The following KANK1 variants were observed in gnomAD, a reference collection of about 807,000 sequenced individuals.
The protein encoded by KANK1 is KN motif and ankyrin repeat domains 1.
KANK1 carries 109 observed loss-of-function variants against 106.2 expected under a neutral mutation model. The ratio of observed to expected loss-of-function variants is 1.03; its 90% CI spans 0.88 to 1.20. KANK1 has a LOEUF of 1.20. Among genes scored for constraint, KANK1 ranks in the 50% most tolerant of loss-of-function variants. The probability of loss-of-function intolerance (pLI) is 0.00; values close to 1 mark genes in which losing one functional copy is unlikely to be tolerated. For missense variants in KANK1, 2,399 were observed against 1,710.7 expected, an observed-to-expected ratio of 1.40 and a Z score of -7.10; for synonymous variants, 873 against 652.2, an observed-to-expected ratio of 1.34 and a Z score of -5.16.
In KANK1 at chr9:738,324, G is replaced by A. The variant is rs148400033; in HGVS notation, c.3373G>A (p.Val1125Met). ...LNTLQHEWFRVSSQKSAIPAM... is the reference protein window; with the variant it reads ...LNTLQHEWFRMSSQKSAIPAM... ...CACCCTCCAGCACGAGTGGTTCCGC[G>A]TGTCCAGTCAGAAGTCAGCCATTCC... The change falls in exon 8 of 12, where the codon GTG (valine) becomes ATG (methionine). Residue 1125 changes from valine to methionine, a missense_variant. Val to Met is a conservative substitution (Grantham distance 21). Coordinates refer to ENST00000382297, the MANE Select transcript of KANK1 (RefSeq NM_015158.5). 10 of 1,613,906 alleles carry A rather than the reference G, an allele frequency of 6.2e-6. No individual in the cohort carries two copies. Among genetic ancestry groups the A allele is most frequent in the Middle Eastern group, 1.6e-4 (1 of 6,082 alleles).
intron 3 of KANK1, among the ~76,000 whole-genome samples, chr9:487,497 G>A (rs957185644): frequency 2.0e-5 from 3 of 152,150 alleles, no homozygotes; most frequent in Non-Finnish European, 2.9e-5. Flanking sequence ...TGGGTTCATT[G>A]GGATGTCATA....
chr9:544,003 A>G (rs538967484), intron 1 of KANK1, among the ~76,000 whole-genome samples: 5 of 151,520 alleles, frequency 3.3e-5, no homozygotes, highest in South Asian at 4.2e-4. Flanking sequence ...TTCATGTTCT[A>G]TTTTATTTTA....
At chr9:485,892 GAAA>G (rs995405013) in intron 3 of KANK1, among the ~76,000 whole-genome samples, 1 of 147,772 alleles carries the variant, frequency 6.8e-6, no homozygotes, top group Non-Finnish European at 1.5e-5. Context: ...AAAAAGAAAA[GAAA>G]AAGAGAGAGA....
At chr9:508,381 C>G (rs562382524) in intron 1 of KANK1, among the ~76,000 whole-genome samples, 21 of 152,130 alleles carry the variant, frequency 1.4e-4, no homozygotes, top group Non-Finnish European at 2.9e-4. Context: ...AGGTGATCCG[C>G]CTGCCTTGGC....
chr9:675,928 TC>T (rs761305524), intron 1 of KANK1, among the ~76,000 whole-genome samples: 3 of 152,184 alleles, frequency 2.0e-5, no homozygotes, highest in Non-Finnish European at 4.4e-5. Context: ...TGAGGGGTCC[TC>T]CCCTTTTTAG....
chr9:707,468 AGTTTC>A (rs1824686173), intron 2 of KANK1, among the ~76,000 whole-genome samples: 1 of 151,898 alleles, frequency 6.6e-6, no homozygotes, highest in African/African-American at 2.4e-5. Context: ...CTGTTAATGG[AGTTTC>A]AGACAGTCCT....
intron 1 of KANK1, among the ~76,000 whole-genome samples, chr9:596,076 A>C (rs970149676): frequency 2.0e-5 from 3 of 151,826 alleles, no homozygotes; most frequent in Non-Finnish European, 4.4e-5. Context: ...ACTGAAGGTA[A>C]CTTTATACAA....
At chr9:718,824 A>G (rs754660144) in intron 3 of KANK1, among the ~76,000 whole-genome samples, 1 of 152,150 alleles carries the variant, frequency 6.6e-6, no homozygotes, top group Non-Finnish European at 1.5e-5. Flanking sequence ...TTTCTCCTCT[A>G]TCAAAGCTAC....
At chr9:529,906 A>G (rs1299827160) in intron 1 of KANK1, among the ~76,000 whole-genome samples, 1 of 152,260 alleles carries the variant, frequency 6.6e-6, no homozygotes, top group Non-Finnish European at 1.5e-5. Flanking sequence ...CAGGCAAGGC[A>G]TGAAAGCACT....
At position 713,447 on chromosome 9, in the gene KANK1, G is replaced by T. The variant is rs776978310; in HGVS notation, c.2681G>T (p.Ser894Ile). 4 of 1,594,026 alleles carry T rather than the reference G, an allele frequency of 2.5e-6. No homozygotes were observed. Among genetic ancestry groups the T allele is most frequent in the Non-Finnish European group, 2.6e-6 (3 of 1,171,652 alleles). Residue 894 changes from serine to isoleucine, a missense_variant, in exon 3 of 12, where the codon AGT (serine) becomes ATT (isoleucine). Ser to Ile is a moderately radical substitution (Grantham distance 142). Transcript: ENST00000382297. The stretch of plus-strand genomic sequence containing the variant: ...AGGAACCCTGACTTCCAGAAAACCA[G>T]TCTGGGTAAAATCACAGGTAGGTGG... ...ELRNPDFQKT[S>I]LGKITGNYLG... is the part of the protein sequence containing the mutation.
intron 3 of KANK1, among the ~76,000 whole-genome samples, chr9:715,052 T>C (rs901888450): frequency 2.6e-5 from 4 of 152,244 alleles, no homozygotes; most frequent in Non-Finnish European, 4.4e-5. Flanking sequence ...GACTGAAATA[T>C]ATTATTTTTA....
chr9:716,942 C>G (rs1210373229), intron 3 of KANK1, among the ~76,000 whole-genome samples: 1 of 150,870 alleles, frequency 6.6e-6, no homozygotes, highest in Non-Finnish European at 1.5e-5. Flanking sequence ...GTGATCACAC[C>G]ACTACACTCC....
At chr9:624,657 G>A (rs566238254) in intron 1 of KANK1, among the ~76,000 whole-genome samples, 1 of 152,066 alleles carries the variant, frequency 6.6e-6, no homozygotes, top group South Asian at 2.1e-4. Flanking sequence ...ACAAAAATTA[G>A]TCGGGCGTAG....
intron 3 of KANK1, among the ~76,000 whole-genome samples, chr9:724,009 G>A (rs1830039771): frequency 6.6e-6 from 1 of 151,744 alleles, no homozygotes; most frequent in Non-Finnish European, 1.5e-5. Flanking sequence ...GGGCTGAGGT[G>A]GGAGGATTGA....
chr9:472,966 C>T (rs563710924), intron 2 of KANK1, among the ~76,000 whole-genome samples: 7 of 152,190 alleles, frequency 4.6e-5, no homozygotes, highest in South Asian at 2.1e-4. Context: ...AGCAAACAAA[C>T]GGTTGTTATT....
chr9:705,926 T>C (rs1287909725), intron 2 of KANK1, among the ~76,000 whole-genome samples: 4 of 152,088 alleles, frequency 2.6e-5, no homozygotes, highest in African/African-American at 9.7e-5. Context: ...AATTAAGTTT[T>C]TTGCTCTCTG....
chr9:628,116 A>G (rs1186653274), intron 1 of KANK1, among the ~76,000 whole-genome samples: 3 of 152,210 alleles, frequency 2.0e-5, no homozygotes, highest in African/African-American at 7.2e-5. Flanking sequence ...TATTTCCTGC[A>G]TCTTATTGAT....
intron 1 of KANK1, among the ~76,000 whole-genome samples, chr9:658,487 A>G (rs1418988243): frequency 6.6e-6 from 1 of 152,110 alleles, no homozygotes; most frequent in Non-Finnish European, 1.5e-5. Context: ...AAAAGATTGT[A>G]ATTTTGATGA....
At chr9:509,530 C>G (rs765507290) in intron 1 of KANK1, among the ~76,000 whole-genome samples, 10 of 152,190 alleles carry the variant, frequency 6.6e-5, no homozygotes, top group Non-Finnish European at 1.5e-4. Context: ...AACACAGTAT[C>G]TTAATATTGC....
Sources: allele counts gnomAD v4.1 joint callset (sites outside exome capture counted in the v4.1 genomes callset), GRCh38; gene constraint gnomAD v4.1.1; transcripts MANE v1.5; gene names NCBI Gene and HGNC (gene_info 2026-07-23, HGNC 2026-07-21).